TFR2: variants seen among roughly 807,000 people sequenced by gnomAD.
The protein encoded by TFR2 is transferrin receptor 2.
In TFR2, 64 loss-of-function variants were observed where a neutral mutation model predicts 91.9. The observed-to-expected ratio is 0.70, with a 90% CI of 0.57 to 0.86. TFR2 has a LOEUF of 0.86. Among genes scored for constraint, TFR2 ranks in the 40% least tolerant of loss-of-function variants. TFR2 has a pLI of 0.00. For synonymous variants in TFR2, 454 were observed against 459.6 expected, an observed-to-expected ratio of 0.99 and a Z score of 0.15; for missense variants, 950 against 1,080.5, an observed-to-expected ratio of 0.88 and a Z score of 1.69.
chr7:100,640,438 G>A (rs573619701), intron 3 of TFR2: 4 of 566,974 alleles, frequency 7.1e-6, no homozygotes, highest in South Asian at 2.1e-5. Context: ...GCACCCCTCT[G>A]ATCTCAGACA....
At chr7:100,629,469 G>T (rs537393233) in intron 9 of TFR2, 97 bp from the exon 10 acceptor site, 1 of 1,591,042 alleles carries the variant, frequency 6.3e-7, no homozygotes, top group Admixed American at 1.7e-5. Context: ...TCACAATTCC[G>T]GCAACCCTAG....
chr7:100,626,766 C>T lies in TFR2; in HGVS notation c.2133G>A (p.Met711Ile), dbSNP rs941111415. 1.0e-5 allele frequency: 16 copies of T among 1,544,530 alleles called. No homozygotes were observed. The highest frequency in any genetic ancestry group is 8.2e-5 in the African/African-American group (6 of 73,004). ...RLTRMYNVRI[M>I]RVEFYFLSQY... ...GGCGAGGAGGGCGGGGCCTCACCCG[C>T]ATTATGCGCACGTTGTACATGCGTG... Residue 711 changes from methionine to isoleucine, a missense_variant, in exon 17 of 18, where the codon ATG becomes ATA. By Grantham distance (10) the Met-to-Ile change is conservative (BLOSUM62 1). Coordinates refer to ENST00000223051, the MANE Select transcript of TFR2 (RefSeq NM_003227.4).
chr7:100,637,917 C>T (rs1299037791), intron 3 of TFR2, among the ~76,000 whole-genome samples: 2 of 151,970 alleles, frequency 1.3e-5, no homozygotes, highest in South Asian at 2.1e-4. Flanking sequence ...CCGCAACCTC[C>T]GCCTCCTGGG....
At position 100,626,883 on chromosome 7, in the gene TFR2, C is replaced by G. The variant is rs934571024; in HGVS notation, c.2016G>C (p.Gln672His). 1.3e-6 allele frequency: 2 copies of G among 1,544,582 alleles called. No individual in the cohort carries two copies. Among genetic ancestry groups the G allele is most frequent in the South Asian group, 2.4e-5 (2 of 84,020 alleles). ...AGTCCCCCCGCGCCGAGTACACCCA[C>G]TGCAGGGTCAGCCCGCGGGCCTGGG... is the stretch of plus-strand genomic sequence containing the variant. ...GDLKARGLTLQWVYSARGDYI... is the reference protein window; with the variant it reads ...GDLKARGLTLHWVYSARGDYI... The change falls in exon 17 of 18, where the codon CAG becomes CAC. Residue 672 changes from glutamine to histidine, a missense_variant. Gln to His is a conservative substitution (Grantham distance 24). Coordinates refer to ENST00000223051, the MANE Select transcript of TFR2 (RefSeq NM_003227.4).
chr7:100,630,942 G>A lies in TFR2; in HGVS notation c.1217C>T (p.Thr406Ile). 6.2e-7 allele frequency: 1 copy of A among 1,613,184 alleles called. No individual in the cohort carries two copies. Among genetic ancestry groups the A allele is most frequent in the East Asian group, 2.2e-5 (1 of 44,882 alleles). Residue 406 changes from threonine to isoleucine, a missense_variant, in exon 9 of 18, where the codon ACC (threonine) becomes ATC (isoleucine). Coordinates refer to ENST00000223051, the MANE Select transcript of TFR2 (RefSeq NM_003227.4). Reference sequence around the variant, plus strand: ...GAAGATGTTGTTGATGGGGGTGGAGGTCCTGTGATTGTTGACCACTAGCCG... The same window carrying A: ...GAAGATGTTGTTGATGGGGGTGGAGATCCTGTGATTGTTGACCACTAGCCG... ...RLRLVVNNHR[T>I]STPINNIFGC...
intron 6 of TFR2, among the ~76,000 whole-genome samples, chr7:100,632,613 G>A (rs866682549): frequency 7.4e-6 from 1 of 135,108 alleles, no homozygotes; most frequent in Non-Finnish European, 1.5e-5. Context: ...GCAGTGGCGC[G>A]ATCATAGCTC....
At chr7:100,630,716 T>C (rs749963061) in intron 9 of TFR2, among the ~76,000 whole-genome samples, 173 bp downstream of exon 9, 9 of 152,242 alleles carry the variant, frequency 5.9e-5, no homozygotes, top group Non-Finnish European at 1.2e-4. Flanking sequence ...GTCTGTTCAC[T>C]GCTGCCACCA....
chr7:100,634,701 C>T (rs991647716), intron 3 of TFR2, among the ~76,000 whole-genome samples: 4 of 152,196 alleles, frequency 2.6e-5, no homozygotes, highest in Admixed American at 2.0e-4. Context: ...TCCACCTCAC[C>T]GGCCACATGG....
chr7:100,628,818 G>A (rs1341139004), intron 10 of TFR2, among the ~76,000 whole-genome samples: 2 of 151,934 alleles, frequency 1.3e-5, no homozygotes, highest in Non-Finnish European at 2.9e-5. Context: ...CCAGGCTGGA[G>A]TGCAGTGGTG....
intron 17 of TFR2, among the ~76,000 whole-genome samples, chr7:100,624,013 G>A (rs780514279): frequency 1.8e-4 from 27 of 151,712 alleles, no homozygotes; most frequent in Non-Finnish European, 2.9e-4. Flanking sequence ...CCGGGATCGC[G>A]CCACTGCACT....
intron 3 of TFR2, among the ~76,000 whole-genome samples, chr7:100,638,986 A>G (rs1222427371): frequency 6.6e-6 from 1 of 152,192 alleles, no homozygotes; most frequent in East Asian, 1.9e-4. Flanking sequence ...AACATATCAA[A>G]AGAGTAATCA....
chr7:100,633,363 G>A (rs1339625454), intron 4 of TFR2, 23 bp from the exon 5 acceptor site: 3 of 1,607,476 alleles, frequency 1.9e-6, no homozygotes, highest in East Asian at 2.2e-5. Flanking sequence ...GCTGGTGAGC[G>A]CCCCGAGCCG....
chr7:100,630,424 G>T (rs1242447497), intron 9 of TFR2, among the ~76,000 whole-genome samples: 1 of 152,080 alleles, frequency 6.6e-6, no homozygotes, highest in Non-Finnish European at 1.5e-5. Context: ...GGAATAGCTG[G>T]AATTACAGAT....
chr7:100,632,610 C>T (rs1246001062), intron 6 of TFR2, among the ~76,000 whole-genome samples: 2 of 136,270 alleles, frequency 1.5e-5, no homozygotes, highest in African/African-American at 2.8e-5. Flanking sequence ...AGTGCAGTGG[C>T]GCGATCATAG....
At chr7:100,641,294 T>A (rs1803694966) in intron 1 of TFR2, 66 bp from the exon 2 acceptor site, 2 of 1,464,884 alleles carry the variant, frequency 1.4e-6, no homozygotes, top group Admixed American at 4.4e-5. Context: ...CATCTGGCAA[T>A]AATGAGGTCA....
intron 3 of TFR2, among the ~76,000 whole-genome samples, chr7:100,638,473 G>A (rs1164921951): frequency 1.3e-5 from 2 of 151,990 alleles, no homozygotes; most frequent in East Asian, 3.9e-4. Flanking sequence ...AATTAGGCTG[G>A]GCATGGTGGC....
In TFR2 at chr7:100,620,762, G is replaced by A; in HGVS notation, c.*95C>T. 1 of 1,552,566 alleles carries A rather than the reference G, an allele frequency of 6.4e-7. No homozygotes were observed. Among genetic ancestry groups the A allele is most frequent in the Non-Finnish European group, 8.8e-7 (1 of 1,131,146 alleles). ...ATGAGAAATTGATCAGCAATGAGAG[G>A]TGGACTCTGAGCCACCTCCCTGACC... On this transcript the variant is annotated 3_prime_UTR_variant, in exon 18 of 18. Coordinates refer to ENST00000223051, the MANE Select transcript of TFR2 (RefSeq NM_003227.4).
At position 100,620,826 on chromosome 7, in the gene TFR2, G is replaced by C. The variant is rs747228740; in HGVS notation, c.*31C>G. The C allele has an allele frequency of 6.2e-7, 1 of 1,613,434 alleles. No homozygotes were observed. Among genetic ancestry groups the C allele is most frequent in the South Asian group, 1.1e-5 (1 of 90,866 alleles). ...GCGAGGAGCAGAGGAGCTCTTGACT[G>C]GGGGACGGGGATGTGAGGATCCCCA... On this transcript the variant is annotated 3_prime_UTR_variant, in exon 18 of 18. Coordinates refer to ENST00000223051, the MANE Select transcript of TFR2 (RefSeq NM_003227.4).
chr7:100,629,348 T>C lies in TFR2; in HGVS notation c.1295A>G (p.Gln432Arg). The C allele has an allele frequency of 6.2e-7, 1 of 1,614,034 alleles. No homozygotes were observed. The highest frequency in any genetic ancestry group is 8.5e-7 in the Non-Finnish European group (1 of 1,179,926). Residue 432 changes from glutamine (Q) to arginine (R), a missense_variant, in exon 10 of 18, where the codon CAG (glutamine) becomes CGG (arginine). Transcript: ENST00000223051. ...EPDHYVVIGA[Q>R]RDAWGPGAAK... ...TGCTCCTGGGCCCCATGCATCCCTCTGGGCCCCGATGACAACGTAGTGATC... is the reference window on the plus strand; with the variant it reads ...TGCTCCTGGGCCCCATGCATCCCTCCGGGCCCCGATGACAACGTAGTGATC...
Sources: allele counts gnomAD v4.1 joint callset (sites outside exome capture counted in the v4.1 genomes callset), GRCh38; gene constraint gnomAD v4.1.1; transcripts MANE v1.5; gene names NCBI Gene and HGNC (gene_info 2026-07-23, HGNC 2026-07-21).